The following GRAMD4 variants were observed in gnomAD, a reference collection of about 807,000 sequenced individuals.
GRAMD4 encodes GRAM domain containing 4.
In GRAMD4, 25 loss-of-function variants were observed where a neutral mutation model predicts 83.9. That is an observed-to-expected ratio of 0.30 (90% CI 0.22 to 0.42). GRAMD4 has a LOEUF of 0.42. Ranked by LOEUF, GRAMD4 falls within the 10% of genes least tolerant of loss-of-function variation. The pLI, the probability that GRAMD4 is intolerant of heterozygous loss-of-function variation, is 1.00. For missense variants in GRAMD4, 593 were observed against 788.7 expected, an observed-to-expected ratio of 0.75 and a Z score of 2.97; for synonymous variants, 336 against 320.9, an observed-to-expected ratio of 1.05 and a Z score of -0.50.
chr22:46,605,758 C>A (rs1252872073), intron 1 of GRAMD4, among the ~76,000 whole-genome samples: 6 of 106,632 alleles, frequency 5.6e-5, no homozygotes, highest in Non-Finnish European at 1.2e-4. Flanking sequence ...CTGCATGGGC[C>A]TATGGCCGGT....
At chr22:46,671,008 A>T in intron 13 of GRAMD4, 1 of 422,954 alleles carries the variant, frequency 2.4e-6, no homozygotes, top group Non-Finnish European at 5.2e-6. Flanking sequence ...GTGGGCCAAG[A>T]TGGCATTCCT....
rs558020415 is a variant in GRAMD4 at position 46,580,967 on chromosome 22, CA to C, written c.-50+3694del. Among the ~76,000 whole-genome samples the C allele has an allele frequency of 3.2e-3, 275 of 86,936 alleles. 2 individuals carry two copies. The highest frequency in any genetic ancestry group is 6.0e-3 in the Middle Eastern group (1 of 166). The allele number at this position is 86,936 out of a possible 152,430, so 57.0% of individuals were successfully genotyped here. On this transcript the variant is annotated intron_variant, in intron 1 of 1. Coordinates refer to the GRAMD4 transcript ENST00000431155. ...GGGCAACAAGAGCGAAACTCCATCT[CA>C]AAAAAAAAAAAAAAAAGAAAGAAAG...
chr22:46,581,238 C>G (rs1343974346), intron 1 of GRAMD4, among the ~76,000 whole-genome samples: 1 of 152,196 alleles, frequency 6.6e-6, no homozygotes, highest in Non-Finnish European at 1.5e-5. Context: ...AAGTACCGGC[C>G]TATCAAAAAC....
At chr22:46,674,601 G>A in intron 15 of GRAMD4, 56 bp from the exon 16 acceptor site, 1 of 1,196,916 alleles carries the variant, frequency 8.4e-7, no homozygotes, top group Non-Finnish European at 1.3e-6. Context: ...CCAGCGTCAG[G>A]TCAGAGGCTG....
intron 1 of GRAMD4, among the ~76,000 whole-genome samples, chr22:46,591,146 G>A (rs1775803403): frequency 6.6e-6 from 1 of 152,218 alleles, no homozygotes; most frequent in Non-Finnish European, 1.5e-5. Context: ...GGAAACTGCT[G>A]CCCTCTCAGC....
chr22:46,599,351 T>C (rs138934542), intron 1 of GRAMD4, among the ~76,000 whole-genome samples: 63 of 151,986 alleles, frequency 4.1e-4, no homozygotes, highest in Non-Finnish European at 7.1e-4. Context: ...GGAGTCTTGC[T>C]CTTGTTCCCC....
upstream of GRAMD4, chr22:46,620,215 G>A (rs185960490): frequency 6.4e-5 from 44 of 684,084 alleles, no homozygotes; most frequent in East Asian, 2.3e-3. The surrounding 1 kb of genome is among the most constrained non-coding windows in gnomAD (Gnocchi z 4.7). Context: ...TGTGTGTCCA[G>A]AAGCAATTCA....
intron 1 of GRAMD4, among the ~76,000 whole-genome samples, chr22:46,597,424 C>T (rs2081272138): frequency 6.6e-6 from 1 of 152,186 alleles, no homozygotes. Context: ...AGTTACCTCT[C>T]CTTCTCTCTC....
intron 1 of GRAMD4, among the ~76,000 whole-genome samples, chr22:46,583,598 T>C (rs1016354370): frequency 3.3e-5 from 5 of 152,248 alleles, no homozygotes; most frequent in Non-Finnish European, 7.3e-5. Context: ...TCTCCATCCA[T>C]TGGAATTTGT....
chr22:46,676,416 G>T (rs945183153), intron 17 of GRAMD4, among the ~76,000 whole-genome samples, 184 bp from the exon 18 acceptor site: 8 of 152,220 alleles, frequency 5.3e-5, no homozygotes, highest in Non-Finnish European at 1.0e-4. Flanking sequence ...TACAGGTCTG[G>T]TGTCTCGGCC....
At chr22:46,631,013 G>A (rs1408672571) in intron 2 of GRAMD4, among the ~76,000 whole-genome samples, 1 of 152,160 alleles carries the variant, frequency 6.6e-6, no homozygotes. Flanking sequence ...CCTCCACGCT[G>A]TTCTCAGGCT....
downstream of GRAMD4, among the ~76,000 whole-genome samples, chr22:46,681,142 A>G (rs1215034264): frequency 6.6e-6 from 1 of 151,580 alleles, no homozygotes; most frequent in Non-Finnish European, 1.5e-5. Flanking sequence ...AGACCTACCT[A>G]ACCCGTTGGC....
rs1286772096 is a variant in GRAMD4 at position 46,593,508 on chromosome 22, G to A, written c.-50+16218G>A. ...CAGGGCCTACCGAGAGTCCCATGGC[G>A]GGCGGGCAGAGGTGGGCTAGTGTTG... On this transcript the variant is annotated intron_variant, in intron 1 of 1. Transcript: ENST00000431155. 2.0e-5 allele frequency among the ~76,000 whole-genome samples: 3 copies of A among 152,276 alleles called. No homozygotes were observed. In the South Asian group the frequency reaches 6.2e-4, roughly 32 times the overall value.
At chr22:46,585,064 G>A (rs1345908984) in intron 1 of GRAMD4, among the ~76,000 whole-genome samples, 7 of 152,182 alleles carry the variant, frequency 4.6e-5, no homozygotes, top group South Asian at 2.1e-4. Flanking sequence ...TCAGGAATGC[G>A]TCAGGCCCTT....
chr22:46,674,883 C>G (rs1453337817), intron 16 of GRAMD4, 133 bp downstream of exon 16: 2 of 697,550 alleles, frequency 2.9e-6, no homozygotes, highest in Non-Finnish European at 5.2e-6. Context: ...ATGCTCTGCT[C>G]TTGCCGGCTG....
At chr22:46,607,679 C>G (rs1031373909) in intron 1 of GRAMD4, among the ~76,000 whole-genome samples, 6 of 152,210 alleles carry the variant, frequency 3.9e-5, no homozygotes, top group African/African-American at 1.4e-4. Context: ...CCACGGTTTC[C>G]TAACTGGTAT....
chr22:46,681,218 C>T (rs1481241490), downstream of GRAMD4, among the ~76,000 whole-genome samples: 3 of 152,124 alleles, frequency 2.0e-5, no homozygotes, highest in Admixed American at 6.5e-5. Flanking sequence ...TCACTGGAGC[C>T]GGGCCATGGA....
At position 46,668,692 on chromosome 22, in the gene GRAMD4, C is replaced by A; in HGVS notation, c.934C>A (p.Leu312Ile). The stretch of plus-strand genomic sequence containing the variant: ...TTGCTGTTTCTCCTTCACACAGAAC[C>A]TTTTCGGGAAGATGGCTGACATCCT... ...VLDVAQKAQN[L>I]FGKMADILEK... Residue 312 changes from leucine (L) to isoleucine (I), a missense_variant, in exon 12 of 19, where the codon CTT (leucine) becomes ATT (isoleucine). This residue lies in a region of GRAMD4 where 36 missense variants were observed against 85.8 expected (regional missense o/e 0.42). Coordinates refer to ENST00000406902, the MANE Select transcript of GRAMD4 (RefSeq NM_015124.5). 1.9e-6 allele frequency: 3 copies of A among 1,612,526 alleles called. No individual in the cohort carries two copies. Among genetic ancestry groups the A allele is most frequent in the Non-Finnish European group, 1.7e-6 (2 of 1,179,448 alleles).
Position 46,672,949 on chromosome 22 carries a change from C to T in GRAMD4, c.1191C>T (p.Pro397=). ...DTPYIIWRSL[P]TDPQLKERSS... The stretch of plus-strand genomic sequence containing the variant: ...CCTATATCATCTGGAGGAGTCTCCC[C>T]ACCGACCCGCAGCTCAAGGAGCGCT... Residue 397 remains proline, a synonymous_variant, in exon 14 of 19, where the codon CCC becomes CCT. Transcript: ENST00000406902. This position sits in a 1 kb window ranked among gnomAD's most constrained non-coding sequence, Gnocchi z 4.7. 6.2e-7 allele frequency: 1 copy of T among 1,610,278 alleles called. No homozygotes were observed. The highest frequency in any genetic ancestry group is 8.5e-7 in the Non-Finnish European group (1 of 1,179,680).
Sources: allele counts gnomAD v4.1 joint callset (sites outside exome capture counted in the v4.1 genomes callset), GRCh38; gene constraint gnomAD v4.1.1; regional missense constraint gnomAD v4.1.1; non-coding constraint Gnocchi (gnomAD v3.1); transcripts MANE v1.5; gene names NCBI Gene and HGNC (gene_info 2026-07-23, HGNC 2026-07-21).